Variants in RYR2 observed in about 807,000 individuals in gnomAD.
RYR2 encodes the protein ryanodine receptor 2, also known as cardiac muscle ryanodine receptor-calcium release channel.
RYR2 carries 227 observed loss-of-function variants against 601.1 expected under a neutral mutation model. That is an observed-to-expected ratio of 0.38 (90% confidence interval 0.34 to 0.42). RYR2 has a LOEUF of 0.42. Ranked by LOEUF, RYR2 falls within the 10% of genes least tolerant of loss-of-function variation. RYR2 has a pLI of 1.00. For synonymous variants in RYR2, 2,223 were observed against 2,175.1 expected (o/e 1.02, Z -0.61); for missense variants, 4,646 against 6,156.5 (o/e 0.75, Z 8.21).
At chr1:237,339,689 G>C (rs16835155) in intron 3 of RYR2, among the ~76,000 whole-genome samples, 20,373 of 152,136 alleles carry the variant, frequency 0.13, 1,568 homozygotes, top group East Asian at 0.33. Flanking sequence ...AGCTCTAGGT[G>C]AGATTTCTGT....
intron 12 of RYR2, among the ~76,000 whole-genome samples, chr1:237,434,487 T>C (rs1707147204): frequency 6.6e-6 from 1 of 152,236 alleles, no homozygotes; most frequent in African/African-American, 2.4e-5. Context: ...AGAAATATTC[T>C]TCACTTTCTC....
rs113808949 is a variant in RYR2, at chr1:237,493,492, G to A, written c.1961+405G>A. Among the ~76,000 whole-genome samples, 135 of 151,738 alleles carry A rather than the reference G, an allele frequency of 8.9e-4. No homozygotes were observed. In the Middle Eastern group the frequency reaches 0.01, roughly 12 times the overall value. On this transcript the variant is annotated intron_variant, in intron 19 of 104. Coordinates refer to ENST00000366574, the MANE Select transcript of RYR2 (RefSeq NM_001035.3). ...TTTTAAGACAGAGTCTCGCTCTGTC[G>A]CCCAGGCTGGAGTGCAGTGGCACGA...
chr1:237,788,568 GTATAAAAATATTA>G (rs1657936324), intron 92 of RYR2, among the ~76,000 whole-genome samples: 1 of 151,660 alleles, frequency 6.6e-6, no homozygotes, highest in Admixed American at 6.6e-5. Flanking sequence ...AAAAATCCAG[GTATAAAAATATTA>G]GCTAATTGAG....
At chr1:237,416,475 C>A (rs1704994395) in intron 10 of RYR2, among the ~76,000 whole-genome samples, 1 of 152,098 alleles carries the variant, frequency 6.6e-6, no homozygotes, top group Non-Finnish European at 1.5e-5. Flanking sequence ...ATGTGATATG[C>A]ATCCAAAGAA....
chr1:237,539,691 G>T (rs1404137779), intron 25 of RYR2, among the ~76,000 whole-genome samples: 1 of 152,096 alleles, frequency 6.6e-6, no homozygotes, highest in Admixed American at 6.5e-5. Flanking sequence ...AGCCTGTAGG[G>T]AGTGGGGCAT....
chr1:237,638,163 C>T (rs561241544), intron 44 of RYR2, among the ~76,000 whole-genome samples, 194 bp from the exon 45 acceptor site: 15 of 150,614 alleles, frequency 1.0e-4, no homozygotes, highest in African/African-American at 2.4e-4. Context: ...CATTTTATGA[C>T]GATATTTAAA....
intron 16 of RYR2, among the ~76,000 whole-genome samples, chr1:237,462,856 G>C (rs1572434545): frequency 1.3e-5 from 2 of 152,068 alleles, no homozygotes; most frequent in Admixed American, 6.6e-5. Context: ...TTGTTCTTCA[G>C]GAAGTCTCAG....
chr1:237,386,221 A>G (rs4376724), intron 8 of RYR2, among the ~76,000 whole-genome samples: 2,109 of 152,184 alleles, frequency 0.014, 52 homozygotes, highest in African/African-American at 0.046. Context: ...CACTGTGTAC[A>G]TATCACAATG....
chr1:237,642,384 C>T (rs1681648711), intron 47 of RYR2, among the ~76,000 whole-genome samples: 1 of 152,072 alleles, frequency 6.6e-6, no homozygotes. Context: ...TAAATGGAAA[C>T]AGAGACTATT....
At chr1:237,176,991 C>T (rs779331339) in intron 1 of RYR2, among the ~76,000 whole-genome samples, 7 of 152,140 alleles carry the variant, frequency 4.6e-5, no homozygotes, top group Non-Finnish European at 8.8e-5. Context: ...ACTGAGATTA[C>T]CAGTGCTTTT....
At chr1:237,813,576 C>T (rs1017554568) in intron 100 of RYR2, among the ~76,000 whole-genome samples, 1 of 152,170 alleles carries the variant, frequency 6.6e-6, no homozygotes, top group African/African-American at 2.4e-5. Flanking sequence ...TTGAACCTCA[C>T]TCTCAGTATG....
rs1025538222 is a variant in RYR2 at position 237,755,042 on chromosome 1, A to G, written c.11146-1246A>G. ...CTATAGTGTGACAAAAAAAACCCTG[A>G]TCAATTTTGTTTTCGCAGCACGATA... On this transcript the variant is annotated intron_variant, in intron 80 of 104. Coordinates refer to ENST00000366574, the MANE Select transcript of RYR2 (RefSeq NM_001035.3). The G allele has an allele frequency of 5.5e-6, 7 of 1,283,654 alleles. No homozygotes were observed. The South Asian group carries it at 8.8e-5, about 16-fold the overall frequency. 79.5% of individuals were successfully genotyped at this position (1,283,654 alleles called of 1,614,324 possible).
chr1:237,336,175 A>G (rs1209207590), intron 3 of RYR2, among the ~76,000 whole-genome samples: 1 of 152,160 alleles, frequency 6.6e-6, no homozygotes, highest in Non-Finnish European at 1.5e-5. Flanking sequence ...TTGTTCCTTT[A>G]CATTTTCTTG....
intron 34 of RYR2, among the ~76,000 whole-genome samples, chr1:237,599,874 C>A (rs1296877842): frequency 6.6e-6 from 1 of 150,800 alleles, no homozygotes; most frequent in Non-Finnish European, 1.5e-5. Context: ...TGTAAGATCT[C>A]TACACTGCAA....
chr1:237,387,984 C>T, intron 9 of RYR2, 103 bp from the exon 10 acceptor site: 3 of 1,074,792 alleles, frequency 2.8e-6, no homozygotes, highest in Non-Finnish European at 4.2e-6. Context: ...ACTCACTAGA[C>T]TTCAGTTTCT....
intron 51 of RYR2, among the ~76,000 whole-genome samples, chr1:237,653,050 T>C (rs2148813067): frequency 6.6e-6 from 1 of 152,340 alleles, no homozygotes; most frequent in East Asian, 1.9e-4. Context: ...TTGACAAATA[T>C]AGATCAAGAA....
At chr1:237,653,926 A>T (rs1212309670) in intron 51 of RYR2, among the ~76,000 whole-genome samples, 1 of 152,180 alleles carries the variant, frequency 6.6e-6, no homozygotes, top group African/African-American at 2.4e-5. Flanking sequence ...GCCTGCCTTT[A>T]TCCTAGCCGT....
intron 2 of RYR2, among the ~76,000 whole-genome samples, chr1:237,313,343 T>C (rs1272071158): frequency 6.6e-6 from 1 of 152,246 alleles, no homozygotes; most frequent in African/African-American, 2.4e-5. Context: ...TTTGGGGAGA[T>C]TTTCCTTGAT....
At chr1:237,204,945 G>T (rs1487596720) in intron 1 of RYR2, among the ~76,000 whole-genome samples, 1 of 152,172 alleles carries the variant, frequency 6.6e-6, no homozygotes, top group African/African-American at 2.4e-5. Flanking sequence ...ACAGCAGAAG[G>T]AAACTAAATC....
Sources: gnomAD v4.1 joint callset for allele counts (sites outside exome capture counted in the v4.1 genomes callset) on GRCh38, gnomAD v4.1.1 for gene constraint, MANE v1.5 for transcripts, NCBI Gene and HGNC (gene_info 2026-07-23, HGNC 2026-07-21) for gene names.